Variants in TAB2 observed in about 807,000 individuals in gnomAD.
TAB2 encodes the protein TGF-beta activated kinase 1 (MAP3K7) binding protein 2.
Under a neutral mutation model 65.0 loss-of-function variants are expected in TAB2, and 3 were observed. That is an observed-to-expected ratio of 0.05 (90% CI 0.02 to 0.12). The LOEUF (loss-of-function observed/expected upper bound fraction) is 0.12. Ranked by LOEUF, TAB2 falls within the 10% of genes least tolerant of loss-of-function variation. TAB2 has a pLI of 1.00. For missense variants in TAB2, 623 were observed against 840.3 expected (o/e 0.74, Z 3.20); for synonymous variants, 298 against 285.1 (o/e 1.05, Z -0.46).
chr6:149,390,888 G>C (rs1403443665), intron 3 of TAB2, among the ~76,000 whole-genome samples: 1 of 151,986 alleles, frequency 6.6e-6, no homozygotes, highest in South Asian at 2.1e-4. Context: ...TTTAATTTTT[G>C]TTGTTGTTGT....
chr6:149,319,287 G>T (rs1779359503), intron 1 of TAB2, among the ~76,000 whole-genome samples: 1 of 152,208 alleles, frequency 6.6e-6, no homozygotes, highest in African/African-American at 2.4e-5. Flanking sequence ...TGTTCATACA[G>T]TAGCAGAGTA....
chr6:149,353,324 G>A, intron 1 of TAB2, among the ~76,000 whole-genome samples: 1 of 152,116 alleles, frequency 6.6e-6, no homozygotes, highest in East Asian at 1.9e-4. Context: ...AGGTAACGCA[G>A]GAATATAATA....
At chr6:149,292,228 T>C (rs1396226853) in intron 1 of TAB2, among the ~76,000 whole-genome samples, 1 of 152,210 alleles carries the variant, frequency 6.6e-6, no homozygotes, top group African/African-American at 2.4e-5. Context: ...CTCTGATTAG[T>C]ACAATGCTCT....
chr6:149,362,284 A>T (rs938968876), intron 1 of TAB2, among the ~76,000 whole-genome samples: 1 of 152,236 alleles, frequency 6.6e-6, no homozygotes, highest in Non-Finnish European at 1.5e-5. Flanking sequence ...TGCAGGCTGT[A>T]CAGGAAGCAT....
upstream of TAB2, chr6:149,218,599 A>C: frequency 3.4e-6 from 1 of 298,168 alleles, no homozygotes; most frequent in South Asian, 2.9e-5. Flanking sequence ...GTAGGGGTTG[A>C]AAGACACTCT....
chr6:149,284,461 G>A (rs979579115), intron 1 of TAB2, among the ~76,000 whole-genome samples: 1 of 151,808 alleles, frequency 6.6e-6, no homozygotes, highest in Admixed American at 6.5e-5. Context: ...ACTAAATGGT[G>A]AGTTTCTTGA....
intron 1 of TAB2, among the ~76,000 whole-genome samples, chr6:149,318,273 C>CCG (rs1562412763): frequency 3.4e-5 from 5 of 145,990 alleles, no homozygotes; most frequent in South Asian, 2.2e-4. Flanking sequence ...GGCGTCCGTG[C>CCG]GGGGGGGGAG....
intron 1 of TAB2, among the ~76,000 whole-genome samples, chr6:149,354,960 T>C (rs1484548109): frequency 6.6e-6 from 1 of 152,178 alleles, no homozygotes; most frequent in Non-Finnish European, 1.5e-5. Flanking sequence ...AAAATAGAAT[T>C]GTGAAGTCAA....
intron 6 of TAB2, among the ~76,000 whole-genome samples, chr6:149,406,407 A>G (rs1583167144): frequency 6.6e-6 from 1 of 152,184 alleles, no homozygotes; most frequent in Non-Finnish European, 1.5e-5. Context: ...AGGGGAGGAA[A>G]AGGAGAGGTT....
intron 1 of TAB2, among the ~76,000 whole-genome samples, chr6:149,259,242 A>G (rs1778102580): frequency 6.6e-6 from 1 of 152,180 alleles, no homozygotes; most frequent in Non-Finnish European, 1.5e-5. Flanking sequence ...CAAGAAAAAT[A>G]TATAACTAGA....
rs60038742 is a variant in TAB2, at chr6:149,311,837, A to G, written c.-120-66181A>G. Among the ~76,000 whole-genome samples the G allele has an allele frequency of 6.8e-3, 1,027 of 151,356 alleles. 30 individuals carry two copies. Among genetic ancestry groups the G allele is most frequent in the African/African-American group, 0.023 (942 of 40,640 alleles). ...ATCATTGTTGGCCAGTTGGGAAGAT[A>G]ACAGAATTTTTAAATAACAGTTTGA... On this transcript the variant is annotated intron_variant, in intron 1 of 1. Coordinates refer to the TAB2 transcript ENST00000606202.
intron 1 of TAB2, among the ~76,000 whole-genome samples, chr6:149,235,942 C>T (rs1777486301): frequency 6.6e-6 from 1 of 152,118 alleles, no homozygotes; most frequent in Admixed American, 6.6e-5. Flanking sequence ...GTTTATTCCC[C>T]AAAAGAAAAC....
chr6:149,261,782 G>C (rs1778158398), intron 1 of TAB2, among the ~76,000 whole-genome samples: 1 of 152,258 alleles, frequency 6.6e-6, no homozygotes, highest in Admixed American at 6.5e-5. Flanking sequence ...CTGAGACACA[G>C]TAGTTTCCAG....
chr6:149,282,102 G>T (rs140545213), intron 1 of TAB2, among the ~76,000 whole-genome samples: 2,913 of 152,086 alleles, frequency 0.019, 41 homozygotes, highest in Middle Eastern at 0.051. Flanking sequence ...GGAGATGGTG[G>T]TTGCAGTGAG....
At chr6:149,218,260 A>G (rs758603058), upstream of TAB2, among the ~76,000 whole-genome samples, 3 of 152,210 alleles carry the variant, frequency 2.0e-5, no homozygotes, top group Non-Finnish European at 4.4e-5. Context: ...TTGTACTCGG[A>G]TAGGTTGGTT....
chr6:149,254,337 G>A (rs1193839044), intron 1 of TAB2, among the ~76,000 whole-genome samples: 1 of 152,116 alleles, frequency 6.6e-6, no homozygotes, highest in Non-Finnish European at 1.5e-5. Flanking sequence ...CCAGCCACTG[G>A]GTTTTCATGC....
chr6:149,389,879 C>T (rs982109364), intron 3 of TAB2, among the ~76,000 whole-genome samples: 6 of 152,026 alleles, frequency 3.9e-5, no homozygotes, highest in African/African-American at 1.5e-4. Context: ...GAGGTCTCAC[C>T]AGTTATGCTA....
chr6:149,378,761 T>A lies in TAB2; in HGVS notation c.846T>A (p.His282Gln). 1 of 1,614,170 alleles carries A rather than the reference T, an allele frequency of 6.2e-7. No homozygotes were observed. Among genetic ancestry groups the A allele is most frequent in the Non-Finnish European group, 8.5e-7 (1 of 1,180,026 alleles). ...QPNQQGHQTS[H>Q]VYMPISSPTT... ...ATCAGCAAGGCCACCAGACCTCTCA[T>A]GTCTACATGCCAATCAGTTCACCTA... Residue 282 changes from histidine (H) to glutamine (Q), a missense_variant, in exon 3 of 7, where the codon CAT becomes CAA. This residue lies in a region of TAB2 where 550 missense variants were observed against 665.7 expected (regional missense o/e 0.83). Transcript: ENST00000637181.
At chr6:149,408,935 G>A (rs1037631182) in intron 6 of TAB2, among the ~76,000 whole-genome samples, 7 of 152,118 alleles carry the variant, frequency 4.6e-5, no homozygotes, top group African/African-American at 1.7e-4. Flanking sequence ...AGCAGAGCCT[G>A]GAACAGAACT....
Sources: gnomAD v4.1 joint callset for allele counts (sites outside exome capture counted in the v4.1 genomes callset) on GRCh38, gnomAD v4.1.1 for gene constraint, gnomAD v4.1.1 regional missense constraint, MANE v1.5 for transcripts, NCBI Gene and HGNC (gene_info 2026-07-23, HGNC 2026-07-21) for gene names.